DNAH6: variants seen among roughly 807,000 people sequenced by gnomAD.
The protein encoded by DNAH6 is dynein axonemal heavy chain 6, also known as axonemal beta dynein heavy chain 6.
Under a neutral mutation model 491.4 loss-of-function variants are expected in DNAH6, and 340 were observed. That is an observed-to-expected ratio of 0.69 (90% CI 0.63 to 0.76). The LOEUF (loss-of-function observed/expected upper bound fraction) is 0.76. Among genes scored for constraint, DNAH6 ranks in the 30% least tolerant of loss-of-function variants. The pLI is 0.00. For missense variants in DNAH6, 4,443 were observed against 4,972.2 expected (o/e 0.89, Z 3.20); for synonymous variants, 1,603 against 1,686.1 (o/e 0.95, Z 1.21).
chr2:84,681,513 T>C lies in DNAH6; in HGVS notation c.6901T>C (p.Ser2301Pro). 6.5e-7 allele frequency: 1 copy of C among 1,547,794 alleles called. No homozygotes were observed. The highest frequency in any genetic ancestry group is 2.4e-5 in the East Asian group (1 of 40,898). The stretch of plus-strand genomic sequence containing the variant: ...TTATGTCTTTAACTTGAGGGACTTA[T>C]CCAAATGTGTGCAAGGTAGTGTACT... ...SHYVFNLRDL[S>P]KCVQGILQCD... is the part of the protein sequence containing the mutation. Residue 2301 changes from serine (S) to proline (P), a missense_variant, in exon 42 of 77, where the codon TCC becomes CCC. Physicochemically the swap from Ser to Pro is moderately conservative, Grantham distance 74. Transcript: ENST00000389394.
At chr2:84,785,992 C>T (rs1357116362) in intron 67 of DNAH6, among the ~76,000 whole-genome samples, 1 of 152,176 alleles carries the variant, frequency 6.6e-6, no homozygotes, top group Non-Finnish European at 1.5e-5. Flanking sequence ...TGGATGAATG[C>T]AGTAGGTTCA....
At chr2:84,573,708 C>A in intron 12 of DNAH6, 121 bp downstream of exon 12, 1 of 765,658 alleles carries the variant, frequency 1.3e-6, no homozygotes, top group Non-Finnish European at 2.0e-6. Context: ...GTTGGCCTGA[C>A]ATAAGGCAAG....
chr2:84,659,565 A>C (rs943698032), intron 37 of DNAH6, among the ~76,000 whole-genome samples: 1 of 152,214 alleles, frequency 6.6e-6, no homozygotes, highest in African/African-American at 2.4e-5. Context: ...TGAATTTCTC[A>C]CTGTTAGAGA....
At chr2:84,737,458 CGTTA>C (rs377633385) in intron 62 of DNAH6, among the ~76,000 whole-genome samples, 155 of 151,602 alleles carry the variant, frequency 1.0e-3, no homozygotes, top group African/African-American at 3.5e-3. Flanking sequence ...CTTTTTTTTC[CGTTA>C]GTTGGTTGGT....
chr2:84,609,893 A>G (rs1220441481), intron 21 of DNAH6, among the ~76,000 whole-genome samples: 2 of 152,156 alleles, frequency 1.3e-5, no homozygotes, highest in Non-Finnish European at 2.9e-5. Flanking sequence ...AATAAAACAA[A>G]GCATGCCCAT....
chr2:84,655,590 A>T (rs1011128539), intron 35 of DNAH6, among the ~76,000 whole-genome samples: 2 of 152,170 alleles, frequency 1.3e-5, no homozygotes, highest in Non-Finnish European at 2.9e-5. Context: ...AGAGTACCTT[A>T]TTAAAGACAG....
intron 46 of DNAH6, among the ~76,000 whole-genome samples, chr2:84,696,187 G>T (rs1023066656): frequency 4.6e-5 from 7 of 151,578 alleles, no homozygotes; most frequent in Non-Finnish European, 7.4e-5. Flanking sequence ...ATATTTTACA[G>T]AGAAAGCAAA....
intron 4 of DNAH6, among the ~76,000 whole-genome samples, chr2:84,535,861 C>T (rs1677643001): frequency 6.6e-6 from 1 of 151,808 alleles, no homozygotes; most frequent in Admixed American, 6.6e-5. Context: ...GGTGAAATGT[C>T]TGGAAGAACT....
the DNAH6 span, among the ~76,000 whole-genome samples, chr2:84,485,640 T>A: frequency 1.3e-5 from 2 of 152,132 alleles, no homozygotes; most frequent in Admixed American, 1.3e-4. Flanking sequence ...CGAGGGGTTT[T>A]GGTTTTTTCT....
intron 2 of DNAH6, among the ~76,000 whole-genome samples, 162 bp downstream of exon 2, chr2:84,518,213 T>G (rs1040413747): frequency 9.2e-5 from 14 of 152,160 alleles, no homozygotes; most frequent in African/African-American, 3.1e-4. Flanking sequence ...TAAATATTTA[T>G]TAAACAAATA....
At chr2:84,523,418 T>G (rs1676326124) in intron 2 of DNAH6, among the ~76,000 whole-genome samples, 1 of 152,062 alleles carries the variant, frequency 6.6e-6, no homozygotes, top group South Asian at 2.1e-4. Context: ...TCCTGGATTT[T>G]TTGATCTTTT....
At chr2:84,468,916 G>A in the DNAH6 span, among the ~76,000 whole-genome samples, 1 of 152,284 alleles carries the variant, frequency 6.6e-6, no homozygotes. Flanking sequence ...CATATAATGA[G>A]GTGGAGACTT....
In DNAH6 at chr2:84,781,633, T is replaced by C; in HGVS notation, c.10844T>C (p.Ile3615Thr). 6.4e-7 allele frequency: 1 copy of C among 1,551,838 alleles called. No homozygotes were observed. The highest frequency in any genetic ancestry group is 2.0e-5 in the Admixed American group (1 of 51,004). ...TGGATGTTGGCAATGGAAGAGCTCA[T>C]TAAAACCTTCACAGATCCAGGTATG... ...VSWMLAMEEL[I>T]KTFTDPDSAI... The change falls in exon 65 of 77, where the codon ATT (isoleucine) becomes ACT (threonine). Residue 3615 changes from isoleucine (I) to threonine (T), a missense_variant. Physicochemically the swap from Ile to Thr is moderately conservative, Grantham distance 89. Coordinates refer to ENST00000389394, the MANE Select transcript of DNAH6 (RefSeq NM_001370.2).
At chr2:84,801,683 A>G (rs1239242120) in intron 70 of DNAH6, among the ~76,000 whole-genome samples, 4 of 152,118 alleles carry the variant, frequency 2.6e-5, no homozygotes, top group African/African-American at 9.7e-5. Context: ...CAGGAGTTCC[A>G]GACCAGCCTG....
chr2:84,685,170 G>A (rs1694149286), intron 42 of DNAH6, among the ~76,000 whole-genome samples, 156 bp from the exon 43 acceptor site: 2 of 152,036 alleles, frequency 1.3e-5, no homozygotes, highest in African/African-American at 4.8e-5. Context: ...CAAAAAATGA[G>A]GTCACTATTA....
intron 37 of DNAH6, among the ~76,000 whole-genome samples, chr2:84,663,707 G>A (rs560706858): frequency 1.3e-5 from 2 of 152,258 alleles, no homozygotes; most frequent in African/African-American, 4.8e-5. Context: ...CCCCAACCTA[G>A]CAAGACAGGC....
chr2:84,762,817 A>G lies in DNAH6; in HGVS notation c.10575A>G (p.Pro3525=). 6.4e-7 allele frequency: 1 copy of G among 1,551,128 alleles called. No individual in the cohort carries two copies. The highest frequency in any genetic ancestry group is 8.7e-7 in the Non-Finnish European group (1 of 1,146,678). ...ENLGKQFIET[P]PVDLPTLYQD... ...TTGGAAAACAGTTTATAGAGACACC[A>G]CCTGTGGACCTGCCTACCCTGTATC... Residue 3525 remains proline, a synonymous_variant, in exon 64 of 77, where the codon CCA becomes CCG. Transcript: ENST00000389394.
At chr2:84,808,932 G>A (rs533653383) in intron 72 of DNAH6, among the ~76,000 whole-genome samples, 34 of 152,322 alleles carry the variant, frequency 2.2e-4, no homozygotes, top group African/African-American at 7.9e-4. Flanking sequence ...GTCAAAGTGT[G>A]GGCCACAGAA....
chr2:84,704,451 TC>T (rs1191053512), intron 51 of DNAH6, 149 bp downstream of exon 51: 1 of 648,512 alleles, frequency 1.5e-6, no homozygotes, highest in Non-Finnish European at 2.6e-6. Flanking sequence ...AGCATTTTCT[TC>T]CCCAACATCT....
Sources: allele counts gnomAD v4.1 joint callset (sites outside exome capture counted in the v4.1 genomes callset), GRCh38; gene constraint gnomAD v4.1.1; transcripts MANE v1.5; gene names NCBI Gene and HGNC (gene_info 2026-07-23, HGNC 2026-07-21).